SLX4IP: variants seen among roughly 807,000 people sequenced by gnomAD.
SLX4IP encodes the protein protein SLX4IP.
In SLX4IP, 34 loss-of-function variants were observed where a neutral mutation model predicts 32.9. The ratio of observed to expected loss-of-function variants is 1.03; its 90% CI spans 0.79 to 1.38. The LOEUF (loss-of-function observed/expected upper bound fraction) is 1.38. SLX4IP is among the 40% of genes most tolerant of loss of function. The pLI, the probability that SLX4IP is intolerant of heterozygous loss-of-function variation, is 0.00. For synonymous variants in SLX4IP, 172 were observed against 171.7 expected (o/e 1.00, Z -0.01); for missense variants, 444 against 479.0 (o/e 0.93, Z 0.68).
At chr20:10,585,366 G>C (rs1333203105) in intron 4 of SLX4IP, among the ~76,000 whole-genome samples, 1 of 152,018 alleles carries the variant, frequency 6.6e-6, no homozygotes, top group African/African-American at 2.4e-5. Context: ...ACTACTCCAT[G>C]TGGGCCCCTC....
intron 6 of SLX4IP, among the ~76,000 whole-genome samples, chr20:10,619,184 CTTTCTTTTTTTCTT>C (rs1360135850): frequency 8.9e-5 from 13 of 146,132 alleles, no homozygotes; most frequent in Middle Eastern, 3.5e-3. Context: ...TTGCTTTTCT[CTTTCTTTTTTTCTT>C]TTTCTTTTCT....
intron 2 of SLX4IP, among the ~76,000 whole-genome samples, chr20:10,464,046 C>T (rs995789899): frequency 2.0e-5 from 3 of 152,122 alleles, no homozygotes; most frequent in Admixed American, 6.5e-5. Context: ...ATAAGACATT[C>T]GTAGGATAAA....
At chr20:10,622,609 C>A in intron 7 of SLX4IP, 50 bp from the exon 8 acceptor site, 1 of 1,541,082 alleles carries the variant, frequency 6.5e-7, no homozygotes. Context: ...CTGGAGGAAA[C>A]AGTGCAGTGA....
intron 2 of SLX4IP, among the ~76,000 whole-genome samples, chr20:10,543,074 C>T (rs2066125472): frequency 2.0e-5 from 3 of 152,178 alleles, no homozygotes; most frequent in Non-Finnish European, 2.9e-5. Flanking sequence ...ATTTCATCCA[C>T]TTCTATTTTT....
intron 2 of SLX4IP, among the ~76,000 whole-genome samples, chr20:10,553,028 G>A (rs1204944245): frequency 6.6e-6 from 1 of 152,014 alleles, no homozygotes; most frequent in Admixed American, 6.5e-5. Flanking sequence ...CAGAATCCTT[G>A]GAACTTCAAT....
intron 3 of SLX4IP, among the ~76,000 whole-genome samples, chr20:10,559,597 C>T (rs1008757322): frequency 2.0e-5 from 3 of 152,158 alleles, no homozygotes; most frequent in African/African-American, 7.2e-5. Context: ...TATGATTTTA[C>T]TCTCTTTTTC....
At chr20:10,574,765 C>G (rs527480371) in intron 4 of SLX4IP, among the ~76,000 whole-genome samples, 14 of 152,106 alleles carry the variant, frequency 9.2e-5, no homozygotes, top group African/African-American at 2.7e-4. Flanking sequence ...CACCACCTCC[C>G]AGGTTCAGGT....
chr20:10,459,435 T>C (rs1182932755), intron 2 of SLX4IP, among the ~76,000 whole-genome samples: 1 of 152,218 alleles, frequency 6.6e-6, no homozygotes, highest in African/African-American at 2.4e-5. Context: ...TTGACAATTT[T>C]AAGTAGGCAT....
rs1483003843 is a variant in SLX4IP, at chr20:10,512,776, CTCTATATATATATATATATA to C, written c.28-43453_28-43434del. ...TTATGTATATATATACACACACACACTCTATATATATATATATATATATATATATATATATATATATATAT... is the reference window on the plus strand; with the variant it reads ...TTATGTATATATATACACACACACACTATATATATATATATATATATATAT... On this transcript the variant is annotated intron_variant, in intron 2 of 7. Coordinates refer to ENST00000334534, the MANE Select transcript of SLX4IP (RefSeq NM_001009608.3). 2.9e-3 allele frequency among the ~76,000 whole-genome samples: 336 copies of C among 114,738 alleles called. 16 individuals carry two copies. The highest frequency in any genetic ancestry group is 0.012 in the African/African-American group (315 of 25,902). 75.3% of individuals were successfully genotyped at this position (114,738 alleles called of 152,430 possible). A position where few individuals can be genotyped will look rare whatever the true frequency, so the allele number is the denominator to read the frequency against.
At chr20:10,574,274 T>C (rs184808039) in intron 4 of SLX4IP, among the ~76,000 whole-genome samples, 1 of 152,330 alleles carries the variant, frequency 6.6e-6, no homozygotes, top group East Asian at 1.9e-4. Context: ...AAGGTTAGAA[T>C]TGTTTTGACC....
chr20:10,516,327 A>C (rs2122438884), intron 2 of SLX4IP, among the ~76,000 whole-genome samples: 1 of 152,324 alleles, frequency 6.6e-6, no homozygotes, highest in Non-Finnish European at 1.5e-5. Flanking sequence ...TTTAGCTCAG[A>C]GAAAGTAAGT....
chr20:10,536,384 A>G (rs923137592), intron 2 of SLX4IP, among the ~76,000 whole-genome samples: 10 of 152,134 alleles, frequency 6.6e-5, no homozygotes, highest in Non-Finnish European at 5.9e-5. Context: ...AAAAAGGATT[A>G]AATAAATATG....
intron 2 of SLX4IP, among the ~76,000 whole-genome samples, chr20:10,485,194 A>G (rs1392516698): frequency 6.6e-6 from 1 of 152,144 alleles, no homozygotes; most frequent in African/African-American, 2.4e-5. Flanking sequence ...TTGATTGACC[A>G]CATGGATAAT....
intron 1 of SLX4IP, among the ~76,000 whole-genome samples, chr20:10,452,478 C>T (rs923705318): frequency 6.6e-6 from 1 of 151,518 alleles, no homozygotes; most frequent in Non-Finnish European, 1.5e-5. Context: ...CCAGCCTGAC[C>T]GATATGATGA....
At chr20:10,436,961 C>G (rs191648442) in intron 1 of SLX4IP, among the ~76,000 whole-genome samples, 48 of 151,088 alleles carry the variant, frequency 3.2e-4, no homozygotes, top group South Asian at 2.9e-3. Flanking sequence ...TTCTTGCTTT[C>G]TCATATCTTG....
intron 5 of SLX4IP, among the ~76,000 whole-genome samples, chr20:10,598,988 T>C (rs1034618022): frequency 6.6e-6 from 1 of 152,206 alleles, no homozygotes; most frequent in African/African-American, 2.4e-5. Context: ...CTCAGCACTT[T>C]CTTTGAGTTT....
At chr20:10,524,726 C>G (rs2065927462) in intron 2 of SLX4IP, among the ~76,000 whole-genome samples, 1 of 152,184 alleles carries the variant, frequency 6.6e-6, no homozygotes, top group Non-Finnish European at 1.5e-5. Context: ...GGACTGGGCT[C>G]TGCCAGTTAC....
chr20:10,454,293 C>A (rs1386113731), intron 1 of SLX4IP, among the ~76,000 whole-genome samples: 1 of 152,160 alleles, frequency 6.6e-6, no homozygotes, highest in Non-Finnish European at 1.5e-5. Context: ...CCCCAAGGAA[C>A]CCCTATGTCA....
intron 1 of SLX4IP, among the ~76,000 whole-genome samples, chr20:10,449,149 G>A (rs1425319256): frequency 6.6e-6 from 1 of 152,180 alleles, no homozygotes; most frequent in African/African-American, 2.4e-5. Context: ...AGAAAAGATG[G>A]TTTCTTTATC....
Sources: gnomAD v4.1 joint callset for allele counts (sites outside exome capture counted in the v4.1 genomes callset) on GRCh38, gnomAD v4.1.1 for gene constraint, MANE v1.5 for transcripts, NCBI Gene and HGNC (gene_info 2026-07-23, HGNC 2026-07-21) for gene names.